AGAP5: variants seen among roughly 807,000 people sequenced by gnomAD.
The protein encoded by AGAP5 is arf-GAP with GTPase, ANK repeat and PH domain-containing protein 5.
Under a neutral mutation model 27.7 loss-of-function variants are expected in AGAP5, and 8 were observed. That is an observed-to-expected ratio of 0.29 (90% CI 0.17 to 0.52). AGAP5 has a LOEUF of 0.52. Among genes scored for constraint, AGAP5 ranks in the 20% least tolerant of loss-of-function variants. The probability of loss-of-function intolerance (pLI) is 0.97; values close to 1 mark genes in which losing one functional copy is unlikely to be tolerated. For missense variants in AGAP5, 285 were observed against 880.8 expected (o/e 0.32, Z 8.56); for synonymous variants, 111 against 338.0 (o/e 0.33, Z 7.37).
At chr10:73,691,515 C>T (rs1465245859) in intron 4 of AGAP5, among the ~76,000 whole-genome samples, 274 of 136,486 alleles carry the variant, frequency 2.0e-3, no homozygotes, top group African/African-American at 2.1e-3. Context: ...TTTTTTGAGA[C>T]GGAGTTTCGC....
At chr10:73,689,445 C>A (rs1332071661) in intron 4 of AGAP5, among the ~76,000 whole-genome samples, 1 of 6,056 alleles carries the variant, frequency 1.7e-4, no homozygotes, top group African/African-American at 5.1e-4. Flanking sequence ...TGCCTGGCCG[C>A]CCCATCGTCT....
chr10:73,679,430 G>A (rs1354513679), intron 6 of AGAP5, among the ~76,000 whole-genome samples: 1 of 152,048 alleles, frequency 6.6e-6, no homozygotes, highest in Non-Finnish European at 1.5e-5. Flanking sequence ...CCAAAGTGCT[G>A]GGATTACAGG....
chr10:73,680,696 TC>T (rs2082018372), intron 5 of AGAP5, among the ~76,000 whole-genome samples: 1 of 147,154 alleles, frequency 6.8e-6, no homozygotes, highest in African/African-American at 2.5e-5. Flanking sequence ...CAAGAGATTC[TC>T]CTGCCTCAGC....
In AGAP5 at chr10:73,686,411, T is replaced by C. The variant is rs556740115; in HGVS notation, c.397-3617A>G. Among the ~76,000 whole-genome samples, 5 of 152,304 alleles carry C rather than the reference T, an allele frequency of 3.3e-5. No individual in the cohort carries two copies. In the East Asian group the frequency reaches 9.6e-4, roughly 29 times the overall value. ...ATCTTACACAAAAATCAACTCAAGA[T>C]GGATCAAGGACATAAATCTATGACC... On this transcript the variant is annotated intron_variant, in intron 4 of 7. Transcript: ENST00000374094.
At chr10:73,690,294 A>G (rs2082106113) in intron 4 of AGAP5, among the ~76,000 whole-genome samples, 1 of 152,150 alleles carries the variant, frequency 6.6e-6, no homozygotes, top group African/African-American at 2.4e-5. Flanking sequence ...GATCCTGTTG[A>G]TCTGTGACCT....
chr10:73,697,694 T>C lies in AGAP5; in HGVS notation c.62A>G (p.Gln21Arg), dbSNP rs1285396853. 3 of 1,598,792 alleles carry C rather than the reference T, an allele frequency of 1.9e-6. No homozygotes were observed. The highest frequency in any genetic ancestry group is 1.7e-5 in the Admixed American group (1 of 60,014). Residue 21 changes from glutamine to arginine, a missense_variant, in exon 1 of 8, where the codon CAG (glutamine) becomes CGG (arginine). Transcript: ENST00000374094. The part of the protein sequence containing the change: ...PSVSLEFDQQ[Q>R]GSVCPSESEI... ...AGATTCAGAGGGACACACCGACCCC[T>C]GTTGCTGGTCAAACTCGAGGCTGAC... is the stretch of plus-strand genomic sequence containing the variant.
chr10:73,685,824 T>TA (rs1465082910), intron 4 of AGAP5, among the ~76,000 whole-genome samples: 1 of 152,146 alleles, frequency 6.6e-6, no homozygotes, highest in African/African-American at 2.4e-5. Context: ...GTGCTGGGAT[T>TA]ACAGGTGTGA....
At chr10:73,685,233 G>C (rs1190385577) in intron 4 of AGAP5, among the ~76,000 whole-genome samples, 1 of 116,038 alleles carries the variant, frequency 8.6e-6, no homozygotes, top group East Asian at 2.4e-4. Flanking sequence ...CAAGTGGTGA[G>C]AGTGGGCATC....
chr10:73,694,635 A>G, intron 3 of AGAP5, 101 bp downstream of exon 3: 2 of 1,591,494 alleles, frequency 1.3e-6, no homozygotes, highest in Non-Finnish European at 1.7e-6. Flanking sequence ...TGAAAGGGTG[A>G]AAAATTTAAA....
intron 4 of AGAP5, among the ~76,000 whole-genome samples, chr10:73,688,711 CAG>C (rs1222104481): frequency 6.6e-6 from 1 of 151,816 alleles, no homozygotes; most frequent in Non-Finnish European, 1.5e-5. Flanking sequence ...AAAAAAGTAA[CAG>C]AGAAAATAAA....
intron 3 of AGAP5, 128 bp downstream of exon 3, chr10:73,694,608 T>C (rs1232093999): frequency 1.9e-6 from 3 of 1,543,880 alleles, no homozygotes; most frequent in Admixed American, 3.7e-5. Flanking sequence ...CATATTAAAA[T>C]AAGACAAGTG....
chr10:73,677,331 G>C (rs1187493593), intron 6 of AGAP5, among the ~76,000 whole-genome samples: 1 of 148,198 alleles, frequency 6.7e-6, no homozygotes, highest in East Asian at 2.0e-4. Flanking sequence ...GACCTCTCGG[G>C]ATCCCGAAGA....
At chr10:73,697,314 C>T (rs985959461) in intron 1 of AGAP5, among the ~76,000 whole-genome samples, 151 bp from the exon 2 acceptor site, 3 of 151,744 alleles carry the variant, frequency 2.0e-5, no homozygotes, top group African/African-American at 4.8e-5. Context: ...AAGAACTGGG[C>T]GATTGGGAGG....
intron 6 of AGAP5, among the ~76,000 whole-genome samples, 187 bp from the exon 7 acceptor site, chr10:73,676,957 G>C (rs2081985189): frequency 2.0e-5 from 3 of 152,034 alleles, no homozygotes; most frequent in African/African-American, 7.3e-5. Flanking sequence ...ATCATGGCCT[G>C]TACCGTGAAG....
chr10:73,697,436 G>T lies in AGAP5; in HGVS notation c.223+97C>A, dbSNP rs2082170251. ...CCCCCGGGAAAGCTGGCTACAAGCAGAAAGGAGCTCAAAGTGGGGGATGCC... is the reference window on the plus strand; with the variant it reads ...CCCCCGGGAAAGCTGGCTACAAGCATAAAGGAGCTCAAAGTGGGGGATGCC... On this transcript the variant is annotated intron_variant, in intron 1 of 7. Coordinates refer to ENST00000374094, the MANE Select transcript of AGAP5 (RefSeq NM_001144000.4). 5 of 1,597,642 alleles carry T rather than the reference G, an allele frequency of 3.1e-6. No homozygotes were observed. The Admixed American group carries it at 6.7e-5, about 21-fold the overall frequency.
intron 4 of AGAP5, among the ~76,000 whole-genome samples, chr10:73,685,575 G>T (rs2132448991): frequency 6.7e-6 from 1 of 149,890 alleles, no homozygotes; most frequent in South Asian, 2.1e-4. Context: ...TTTTGAGATG[G>T]AGTCTCGCTC....
chr10:73,679,405 G>A (rs557072864), intron 6 of AGAP5, among the ~76,000 whole-genome samples: 3 of 151,648 alleles, frequency 2.0e-5, no homozygotes, highest in Non-Finnish European at 2.9e-5. Context: ...CTTGTGATCC[G>A]CCCGCCTCAG....
chr10:73,696,196 T>C (rs2082160447), intron 2 of AGAP5, among the ~76,000 whole-genome samples: 1 of 152,138 alleles, frequency 6.6e-6, no homozygotes, highest in Admixed American at 6.5e-5. Context: ...TATTTTTTTT[T>C]TAGTAGAGAC....
At chr10:73,676,957 G>T (rs2081985189) in intron 6 of AGAP5, among the ~76,000 whole-genome samples, 187 bp from the exon 7 acceptor site, 1 of 152,152 alleles carries the variant, frequency 6.6e-6, no homozygotes, top group East Asian at 1.9e-4. Flanking sequence ...ATCATGGCCT[G>T]TACCGTGAAG....
Sources: allele counts gnomAD v4.1 joint callset (sites outside exome capture counted in the v4.1 genomes callset), GRCh38; gene constraint gnomAD v4.1.1; transcripts MANE v1.5; gene names NCBI Gene and HGNC (gene_info 2026-07-23, HGNC 2026-07-21).